Variants in NUCB1 observed in about 807,000 individuals in gnomAD.
The protein encoded by NUCB1 is nucleobindin 1.
A neutral mutation model predicts 61.2 loss-of-function variants in NUCB1; 47 were observed. The observed-to-expected ratio is 0.77, with a 90% CI of 0.61 to 0.98. The LOEUF (loss-of-function observed/expected upper bound fraction) is 0.98, where lower values mean the gene tolerates loss of function less well. NUCB1 is among the 50% of genes least tolerant of loss of function. NUCB1 has a pLI of 0.00. For missense variants in NUCB1, 583 were observed against 605.3 expected, an observed-to-expected ratio of 0.96 and a Z score of 0.39; for synonymous variants, 234 against 243.1, an observed-to-expected ratio of 0.96 and a Z score of 0.35.
At chr19:48,905,677 G>A in intron 3 of NUCB1, 76 bp from the exon 4 acceptor site, 1 of 1,558,948 alleles carries the variant, frequency 6.4e-7, no homozygotes. Context: ...ACTGGGGCAT[G>A]AGAAAGCTTA....
chr19:48,905,362 C>T lies in NUCB1; in HGVS notation c.244-391C>T, dbSNP rs114543883. ...GGACACTGAACCCTCGTATCAGGAT[C>T]TGTCCTTCTCATGGACCTGGGTCTC... On this transcript the variant is annotated intron_variant, in intron 3 of 12. Coordinates refer to ENST00000405315, the MANE Select transcript of NUCB1 (RefSeq NM_006184.6). Among the ~76,000 whole-genome samples, 384 of 152,344 alleles carry T rather than the reference C, an allele frequency of 2.5e-3. 3 individuals are homozygous for T. Among genetic ancestry groups the T allele is most frequent in the African/African-American group, 8.8e-3 (367 of 41,578 alleles).
At chr19:48,903,458 TTGGATGGATGGGCGGG>T (rs1568583096) in intron 2 of NUCB1, among the ~76,000 whole-genome samples, 5 of 31,842 alleles carry the variant, frequency 1.6e-4, no homozygotes, top group Admixed American at 2.8e-4. Context: ...GGATGGGTGG[TTGGATGGATGGGCGGG>T]TGGATGGATG....
rs767741319 is a variant in NUCB1 at position 48,913,968 on chromosome 19, CTTTTTTT to C, written c.757+415_757+421del. On this transcript the variant is annotated intron_variant, in intron 7 of 12. Coordinates refer to ENST00000405315, the MANE Select transcript of NUCB1 (RefSeq NM_006184.6). ...AAAACCCTTTCTCTTTTTCTTTTTC[CTTTTTTT>C]TTTTTTTTTTGAGATGGAGTCTTGC... Among the ~76,000 whole-genome samples, 6 of 139,310 alleles carry C rather than the reference CTTTTTTT, an allele frequency of 4.3e-5. No individual in the cohort carries two copies. The East Asian group carries it at 1.2e-3, about 29-fold the overall frequency. The allele number at this position is 139,310 out of a possible 152,430, so 91.4% of individuals were successfully genotyped here.
At position 48,900,877 on chromosome 19, in the gene NUCB1, C is replaced by G; in HGVS notation, c.81C>G (p.Val27=). 6.2e-7 allele frequency: 1 copy of G among 1,613,924 alleles called. No individual in the cohort carries two copies. Among genetic ancestry groups the G allele is most frequent in the Non-Finnish European group, 8.5e-7 (1 of 1,180,020 alleles). ...TCCTGCTTCGCGCCGTGCTGGCTGT[C>G]CCCCTGGAGCGAGGGGCGCCCAACA... is the stretch of plus-strand genomic sequence containing the variant. The part of the protein sequence containing the change: ...LLLLLRAVLA[V]PLERGAPNKE... The change falls in exon 2 of 13, where the codon GTC becomes GTG. Residue 27 remains valine (V), a synonymous_variant. Transcript: ENST00000405315.
At chr19:48,906,634 G>C (rs2037415600) in intron 4 of NUCB1, among the ~76,000 whole-genome samples, 1 of 151,940 alleles carries the variant, frequency 6.6e-6, no homozygotes, top group Non-Finnish European at 1.5e-5. Context: ...TGAGGTGGGA[G>C]GATCGTTGAG....
At chr19:48,911,063 C>A in intron 4 of NUCB1, 86 bp from the exon 5 acceptor site, 2 of 975,250 alleles carry the variant, frequency 2.1e-6, no homozygotes, top group Non-Finnish European at 3.2e-6. Flanking sequence ...TAGTGCTGTC[C>A]GTGACTTCTT....
rs1182585576 is a variant in NUCB1 at position 48,919,212 on chromosome 19, C to G, written c.928C>G (p.Arg310Gly). The G allele has an allele frequency of 1.4e-5, 23 of 1,613,906 alleles. No individual in the cohort carries two copies. The highest frequency in any genetic ancestry group is 1.4e-5 in the Non-Finnish European group (17 of 1,179,990). ...VMKNVDTNQDRLVTLEEFLAS... is the reference protein window; with the variant it reads ...VMKNVDTNQDGLVTLEEFLAS... ...TCCCCAGGTGGACACCAACCAGGAC[C>G]GCCTCGTGACCCTGGAGGAGTTCCT... Residue 310 changes from arginine (R) to glycine (G), a missense_variant, in exon 10 of 13, where the codon CGC becomes GGC. Coordinates refer to ENST00000405315, the MANE Select transcript of NUCB1 (RefSeq NM_006184.6).
intron 2 of NUCB1, among the ~76,000 whole-genome samples, chr19:48,901,548 G>C (rs1170665830): frequency 6.6e-6 from 1 of 152,196 alleles, no homozygotes; most frequent in Admixed American, 6.5e-5. Flanking sequence ...CGGATCACTT[G>C]AGGTCAGGAG....
rs1555791416 is a variant in NUCB1 at position 48,908,721 on chromosome 19, G to GGGGTGT, written c.377-2427_377-2426insGGTGTG. Among the ~76,000 whole-genome samples, 441 of 109,362 alleles carry GGGGTGT rather than the reference G, an allele frequency of 4.0e-3. 11 individuals carry two copies. Among genetic ancestry groups the GGGGTGT allele is most frequent in the African/African-American group, 0.011 (305 of 27,462 alleles). 71.7% of individuals were successfully genotyped at this position (109,362 alleles called of 152,430 possible). ...TGTCTTTCTGCCCACTTGACCAAGG[G>GGGGTGT]GTGTGTGTGTGTGTGTGTGTGTGTG... On this transcript the variant is annotated intron_variant, in intron 4 of 12. Coordinates refer to ENST00000405315, the MANE Select transcript of NUCB1 (RefSeq NM_006184.6).
intron 4 of NUCB1, among the ~76,000 whole-genome samples, chr19:48,907,208 C>T (rs902766845): frequency 6.6e-6 from 1 of 151,076 alleles, no homozygotes; most frequent in Admixed American, 6.6e-5. Context: ...TCTCTAACCT[C>T]GTGATCCGCC....
chr19:48,906,491 C>T (rs1430643165), intron 4 of NUCB1, among the ~76,000 whole-genome samples: 1 of 151,768 alleles, frequency 6.6e-6, no homozygotes, highest in Non-Finnish European at 1.5e-5. Context: ...CTTTTTGAGG[C>T]AGGAGAATCA....
At chr19:48,904,233 TAAAA>T in intron 2 of NUCB1, 110 bp from the exon 3 acceptor site, 9 of 638,384 alleles carry the variant, frequency 1.4e-5, no homozygotes, top group Non-Finnish European at 2.3e-5. Flanking sequence ...TGGGAAAAGG[TAAAA>T]ACTGAGTCCC....
intron 7 of NUCB1, 132 bp from the exon 8 acceptor site, chr19:48,918,594 T>C: frequency 2.7e-6 from 2 of 736,480 alleles, no homozygotes; most frequent in South Asian, 1.6e-5. Flanking sequence ...GGGCCACCGT[T>C]CCACCGCGGG....
At chr19:48,904,489 A>G (rs2037391136) in intron 3 of NUCB1, 35 bp downstream of exon 3, 2 of 1,358,446 alleles carry the variant, frequency 1.5e-6, no homozygotes, top group East Asian at 2.3e-5. Context: ...TGGGAGGGGT[A>G]CGTGCTGGGA....
chr19:48,918,748 G>C lies in NUCB1; in HGVS notation c.780G>C (p.Leu260=). Residue 260 remains leucine, a synonymous_variant, in exon 8 of 13, where the codon CTG becomes CTC. Transcript: ENST00000405315. ...CAGATATCAACAGTGATGGTGTCCT[G>C]GATGAGCAGGAGCTGGAGGCACTCT... ...ILHDINSDGV[L]DEQELEALFT... The C allele has an allele frequency of 1.2e-6, 2 of 1,614,018 alleles. No individual in the cohort carries two copies. The highest frequency in any genetic ancestry group is 1.7e-6 in the Non-Finnish European group (2 of 1,179,912).
intron 4 of NUCB1, among the ~76,000 whole-genome samples, chr19:48,908,701 TTCTG>T (rs1370108376): frequency 1.9e-5 from 1 of 54,040 alleles, no homozygotes; most frequent in African/African-American, 8.3e-5. Context: ...GTGTGTGTCT[TTCTG>T]CCCACTTGAC....
In NUCB1 at chr19:48,916,171, C is replaced by CGTGTGTGTGT. The variant is rs143557740; in HGVS notation, c.758-2536_758-2527dup. Among the ~76,000 whole-genome samples the CGTGTGTGTGT allele has an allele frequency of 2.4e-3, 348 of 147,786 alleles. 4 individuals carry two copies. The highest frequency in any genetic ancestry group is 7.9e-3 in the African/African-American group (319 of 40,324). On this transcript the variant is annotated intron_variant, in intron 7 of 12. Transcript: ENST00000405315. ...GCAAGTAGAATCTTTTGGTATTTGTCGTGTGTGTGTGTGTGTGTGTGTGTG... is the reference window on the plus strand; with the variant it reads ...GCAAGTAGAATCTTTTGGTATTTGTCGTGTGTGTGTGTGTGTGTGTGTGTGTGTGTGTGTG...
At chr19:48,906,403 C>A (rs1400970191) in intron 4 of NUCB1, among the ~76,000 whole-genome samples, 113 of 115,832 alleles carry the variant, frequency 9.8e-4, no homozygotes, top group African/African-American at 1.1e-3. Context: ...AACTCTGACT[C>A]AAAAAAAAAA....
intron 12 of NUCB1, 59 bp downstream of exon 12, chr19:48,921,991 G>A (rs2037615305): frequency 7.4e-6 from 10 of 1,346,446 alleles, no homozygotes; most frequent in South Asian, 3.9e-5. Context: ...GTCTGAGGTT[G>A]GAGGGGCTGG....
Sources: allele counts gnomAD v4.1 joint callset (sites outside exome capture counted in the v4.1 genomes callset), GRCh38; gene constraint gnomAD v4.1.1; transcripts MANE v1.5; gene names NCBI Gene and HGNC (gene_info 2026-07-23, HGNC 2026-07-21).